FUS: variants seen among roughly 807,000 people sequenced by gnomAD.
The protein encoded by FUS is FUS RNA binding protein, also known as RNA-binding protein FUS.
FUS carries 5 observed loss-of-function variants against 82.7 expected under a neutral mutation model. The observed-to-expected ratio is 0.06, with a 90% CI of 0.03 to 0.13. The LOEUF is 0.13. FUS is among the 10% of genes least tolerant of loss of function. The pLI, the probability that FUS is intolerant of heterozygous loss-of-function variation, is 1.00. For synonymous variants in FUS, 281 were observed against 247.4 expected, an observed-to-expected ratio of 1.14 and a Z score of -1.27; for missense variants, 512 against 707.8, an observed-to-expected ratio of 0.72 and a Z score of 3.14.
intron 5 of FUS, 94 bp downstream of exon 5, chr16:31,184,490 C>G (rs1482004208): frequency 1.0e-5 from 13 of 1,240,894 alleles, no homozygotes; most frequent in Non-Finnish European, 1.5e-5. Context: ...GTTGCTGAGG[C>G]TGGAGTGCAG....
chr16:31,184,032 T>C (rs777063735), intron 4 of FUS, 30 bp downstream of exon 4: 1 of 1,611,962 alleles, frequency 6.2e-7, no homozygotes, highest in East Asian at 2.2e-5. Context: ...GGGGAAGGCT[T>C]GAAAAGAGGG....
chr16:31,180,337 C>T lies in FUS; in HGVS notation c.13+110C>T, dbSNP rs1049650635. Reference sequence around the variant, plus strand: ...GGCGATCCCGTGTGGGATTTTTTGGCGCCCCTGTGGCGGGAAGCCGCGGAG... The same window carrying T: ...GGCGATCCCGTGTGGGATTTTTTGGTGCCCCTGTGGCGGGAAGCCGCGGAG... On this transcript the variant is annotated intron_variant, in intron 1 of 14. Transcript: ENST00000254108. 7 of 1,412,704 alleles carry T rather than the reference C, an allele frequency of 5.0e-6. No homozygotes were observed. The Admixed American group carries it at 1.2e-4, about 24-fold the overall frequency. The allele number at this position is 1,412,704 out of a possible 1,614,324, so 87.5% of individuals were successfully genotyped here. A position where few individuals can be genotyped will look rare whatever the true frequency, so the allele number is the denominator to read the frequency against.
At chr16:31,183,230 C>A (rs1047306633) in intron 3 of FUS, 1 of 175,596 alleles carries the variant, frequency 5.7e-6, no homozygotes, top group Non-Finnish European at 1.2e-5. Context: ...CTGTGAACAG[C>A]CACTGCATTC....
rs1412640381 is a variant in FUS, at chr16:31,190,375, T to C, written c.1269T>C (p.Ala423=). The C allele has an allele frequency of 1.9e-6, 3 of 1,614,080 alleles. No homozygotes were observed. Among genetic ancestry groups the C allele is most frequent in the Non-Finnish European group, 2.5e-6 (3 of 1,180,052 alleles). Residue 423 remains alanine (A), a synonymous_variant, in exon 12 of 15, where the codon GCT becomes GCC. Transcript: ENST00000254108. The stretch of plus-strand genomic sequence containing the variant: ...GTGGCGGTGGAGGACAGCAGCGAGC[T>C]GGTGACTGGAAGTGTCCTAATCCGT... ...GGGGGGGQQR[A]GDWKCPNPTC...
At chr16:31,194,474 T>G (rs1460868326), downstream of FUS, 1 of 500,564 alleles carries the variant, frequency 2.0e-6, no homozygotes, top group Non-Finnish European at 3.9e-6. Context: ...TTTTTTGTAT[T>G]TTTTGTGGAG....
chr16:31,193,658 A>G, downstream of FUS: 1 of 531,426 alleles, frequency 1.9e-6, no homozygotes, highest in Non-Finnish European at 3.6e-6. Context: ...TTTAGTGGGT[A>G]GGTCCAGTTT....
At chr16:31,193,323 G>A, downstream of FUS, 1 of 522,346 alleles carries the variant, frequency 1.9e-6, no homozygotes, top group South Asian at 1.5e-5. Context: ...TCGTCAAGTG[G>A]GCCTTCCCAG....
At chr16:31,193,502 C>T (rs2079387136), downstream of FUS, 1 of 529,198 alleles carries the variant, frequency 1.9e-6, no homozygotes, top group Non-Finnish European at 3.7e-6. Context: ...TTGTGGTCCC[C>T]TGATGCCCTC....
intron 5 of FUS, 53 bp from the exon 6 acceptor site, chr16:31,184,886 T>A (rs545563539): frequency 6.3e-7 from 1 of 1,583,536 alleles, no homozygotes; most frequent in African/African-American, 1.3e-5. Context: ...CTTTTAGTGC[T>A]ACTTTACAAT....
downstream of FUS, chr16:31,191,873 A>G: frequency 3.7e-6 from 2 of 543,758 alleles, no homozygotes; most frequent in South Asian, 1.5e-5. Flanking sequence ...TACCACATTT[A>G]TTTGCATACT....
Position 31,184,034 on chromosome 16 carries a change from A to G in FUS, c.335+32A>G, listed in dbSNP as rs762340592. On this transcript the variant is annotated intron_variant, in intron 4 of 14. Transcript: ENST00000254108. ...TGGTGTTGATGTCGGGGAAGGCTTG[A>G]AAAGAGGGGTGAATTGATGAGGAAT... 4 of 1,613,936 alleles carry G rather than the reference A, an allele frequency of 2.5e-6. No homozygotes were observed. The South Asian group carries it at 3.3e-5, about 13-fold the overall frequency.
rs201424492 is a variant in FUS, at chr16:31,184,910, T to G, written c.524-29T>G. On this transcript the variant is annotated intron_variant, in intron 5 of 14. Transcript: ENST00000254108. Reference sequence around the variant, plus strand: ...CTACTTTACAATCTTTTTGTTTTTTTTTTTTAATCATTCTTTCTTTTCTCA... The same window carrying G: ...CTACTTTACAATCTTTTTGTTTTTTGTTTTTAATCATTCTTTCTTTTCTCA... 74 of 1,610,910 alleles carry G rather than the reference T, an allele frequency of 4.6e-5. 1 individual carries two copies. In the East Asian group the frequency reaches 7.8e-4, roughly 17 times the overall value.
At chr16:31,184,906 T>C in intron 5 of FUS, 33 bp from the exon 6 acceptor site, 1 of 1,609,528 alleles carries the variant, frequency 6.2e-7, no homozygotes, top group Non-Finnish European at 8.5e-7. Flanking sequence ...TCTTTTTGTT[T>C]TTTTTTTTTA....
At chr16:31,194,191 G>A (rs1207497247), downstream of FUS, 1 of 530,426 alleles carries the variant, frequency 1.9e-6, no homozygotes, top group Non-Finnish European at 3.6e-6. Flanking sequence ...TGTCAGTGGT[G>A]GGTAGATTGA....
intron 8 of FUS, 154 bp downstream of exon 8, chr16:31,188,511 T>A (rs2079305602): frequency 1.2e-6 from 1 of 828,690 alleles, no homozygotes; most frequent in Non-Finnish European, 2.0e-6. Context: ...TGAGAAGTAT[T>A]TGTTACGAAG....
chr16:31,184,951 A>G lies in FUS; in HGVS notation c.536A>G (p.Gln179Arg), dbSNP rs2079242008. The change falls in exon 6 of 15, where the codon CAA becomes CGA. Residue 179 changes from glutamine to arginine, a missense_variant. Around this residue, in one of 6 missense-constraint regions of FUS, gnomAD observed 276 missense variants for 303.3 expected, o/e 0.91. Coordinates refer to ENST00000254108, the MANE Select transcript of FUS (RefSeq NM_004960.4). ...TCTTTTCTCACAGGTAACTATGGCC[A>G]AGATCAATCCTCCATGAGTAGTGGT... The part of the protein sequence containing the change: ...GGGGGGGNYG[Q>R]DQSSMSSGGG... The G allele has an allele frequency of 1.2e-6, 2 of 1,613,368 alleles. No homozygotes were observed.
downstream of FUS, chr16:31,194,181 T>C (rs905953004): frequency 3.0e-5 from 16 of 530,322 alleles, no homozygotes; most frequent in Middle Eastern, 5.2e-4. Flanking sequence ...GCTGCAGTTA[T>C]GTCAGTGGTG....
chr16:31,194,485 A>G (rs760456449), downstream of FUS: 6 of 499,290 alleles, frequency 1.2e-5, no homozygotes, highest in African/African-American at 1.9e-5. Flanking sequence ...TTTTGTGGAG[A>G]TGGGGTCTTG....
chr16:31,182,515 A>G lies in FUS; in HGVS notation c.41A>G (p.Tyr14Cys), dbSNP rs758073877. The change falls in exon 3 of 15, where the codon TAT (tyrosine) becomes TGT (cysteine). Residue 14 changes from tyrosine (Y) to cysteine (C), a missense_variant and splice_region_variant. Tyr to Cys is a radical substitution (Grantham distance 194). Around this residue, in one of 6 missense-constraint regions of FUS, gnomAD observed 276 missense variants for 303.3 expected, o/e 0.91. Coordinates refer to ENST00000254108, the MANE Select transcript of FUS (RefSeq NM_004960.4). Reference sequence around the variant, plus strand: ...ACGCTGGTTTTCCTTTTATTTAGCTATGGGGCCTACCCCACCCAGCCCGGG... The same window carrying G: ...ACGCTGGTTTTCCTTTTATTTAGCTGTGGGGCCTACCCCACCCAGCCCGGG... ...NDYTQQATQS[Y>C]GAYPTQPGQG... 1.2e-6 allele frequency: 2 copies of G among 1,614,068 alleles called. No homozygotes were observed. Among genetic ancestry groups the G allele is most frequent in the Non-Finnish European group, 1.7e-6 (2 of 1,180,014 alleles).
Sources: gnomAD v4.1 joint callset for allele counts on GRCh38, gnomAD v4.1.1 for gene constraint, gnomAD v4.1.1 regional missense constraint, MANE v1.5 for transcripts, NCBI Gene and HGNC (gene_info 2026-07-23, HGNC 2026-07-21) for gene names.